SLC6A19: variants seen among roughly 807,000 people sequenced by gnomAD.
SLC6A19 encodes sodium-dependent neutral amino acid transporter B(0)AT1.
A neutral mutation model predicts 68.3 loss-of-function variants in SLC6A19; 67 were observed. The ratio of observed to expected loss-of-function variants is 0.98; its 90% CI spans 0.81 to 1.20. The LOEUF is 1.20. SLC6A19 is among the 50% of genes most tolerant of loss of function. SLC6A19 has a pLI of 0.00. For missense variants in SLC6A19, 813 were observed against 851.6 expected, an observed-to-expected ratio of 0.95 and a Z score of 0.56; for synonymous variants, 392 against 374.9, an observed-to-expected ratio of 1.05 and a Z score of -0.53.
intron 1 of SLC6A19, among the ~76,000 whole-genome samples, chr5:1,202,696 G>GC (rs199721240): frequency 6.7e-6 from 1 of 148,430 alleles, no homozygotes; most frequent in Non-Finnish European, 1.5e-5. Flanking sequence ...TCACGGGGGG[G>GC]CCGTGAAGGT....
At chr5:1,211,104 G>A (rs1222081458) in intron 3 of SLC6A19, among the ~76,000 whole-genome samples, 1 of 152,216 alleles carries the variant, frequency 6.6e-6, no homozygotes, top group East Asian at 1.9e-4. Context: ...CCTGGGGCCT[G>A]AACGGCTTGG....
intron 1 of SLC6A19, among the ~76,000 whole-genome samples, 157 bp downstream of exon 1, chr5:1,202,009 G>A (rs932823735): frequency 3.3e-5 from 5 of 152,308 alleles, no homozygotes; most frequent in South Asian, 2.1e-4. Context: ...GGGCCCCCAC[G>A]GGCCCCCGTG....
intron 10 of SLC6A19, among the ~76,000 whole-genome samples, chr5:1,220,237 C>T (rs1454463029): frequency 6.6e-6 from 1 of 151,994 alleles, no homozygotes; most frequent in Non-Finnish European, 1.5e-5. Flanking sequence ...CGATGAAACG[C>T]CGTCTCTACT....
chr5:1,212,716 G>A lies in SLC6A19; in HGVS notation c.663+232G>A, dbSNP rs73734053. Reference sequence around the variant, plus strand: ...AGACTTGGGGCTCCAGGAACTTGACGTTGGCCCACACGACACTTAGCGTTA... The same window carrying A: ...AGACTTGGGGCTCCAGGAACTTGACATTGGCCCACACGACACTTAGCGTTA... On this transcript the variant is annotated intron_variant, in intron 4 of 11. Transcript: ENST00000304460. The surrounding 1 kb of genome is among the most constrained non-coding windows in gnomAD (Gnocchi z 5.1). 0.029 allele frequency among the ~76,000 whole-genome samples: 4,470 copies of A among 152,076 alleles called. 196 individuals are homozygous for A. Among genetic ancestry groups the A allele is most frequent in the African/African-American group, 0.1 (4,226 of 41,438 alleles).
Position 1,213,458 on chromosome 5 carries a change from C to T in SLC6A19, c.664-5C>T, listed in dbSNP as rs374609774. Reference sequence around the variant, plus strand: ...CGCCCATCCCACATGTCCCGCCCTCCGCAGGCCGTGTACATCACCTCCACG... The same window carrying T: ...CGCCCATCCCACATGTCCCGCCCTCTGCAGGCCGTGTACATCACCTCCACG... On this transcript the variant is annotated splice_polypyrimidine_tract_variant and splice_region_variant and intron_variant, in intron 4 of 11. Coordinates refer to ENST00000304460, the MANE Select transcript of SLC6A19 (RefSeq NM_001003841.3). 69 of 1,598,470 alleles carry T rather than the reference C, an allele frequency of 4.3e-5. No homozygotes were observed. The highest frequency in any genetic ancestry group is 5.6e-5 in the Non-Finnish European group (66 of 1,175,276).
At chr5:1,219,737 A>C (rs1746317165) in intron 10 of SLC6A19, 73 bp downstream of exon 10, 8 of 1,591,366 alleles carry the variant, frequency 5.0e-6, no homozygotes, top group Non-Finnish European at 6.8e-6. Flanking sequence ...GTGAGGGAGG[A>C]CCCGGGCTGT....
Position 1,222,112 on chromosome 5 carries a change from C to T in SLC6A19, c.*208C>T, listed in dbSNP as rs903718210. On this transcript the variant is annotated 3_prime_UTR_variant, in exon 12 of 12. Coordinates refer to ENST00000304460, the MANE Select transcript of SLC6A19 (RefSeq NM_001003841.3). ...TGCATGGGCACTGTGTGAGTGTGCA[C>T]GTGTATGCACACATATACATGTGTG... The T allele has an allele frequency of 4.7e-5, 29 of 621,062 alleles. No homozygotes were observed. Among genetic ancestry groups the T allele is most frequent in the African/African-American group, 3.5e-4 (19 of 54,054 alleles). The allele number at this position is 621,062 out of a possible 1,614,324, so 38.5% of individuals were successfully genotyped here.
chr5:1,202,390 C>T (rs1282787901), intron 1 of SLC6A19, among the ~76,000 whole-genome samples: 3 of 152,164 alleles, frequency 2.0e-5, no homozygotes, highest in Admixed American at 6.5e-5. Flanking sequence ...GCCGCTGTGC[C>T]CACCCAACAC....
intron 1 of SLC6A19, among the ~76,000 whole-genome samples, chr5:1,207,227 C>T (rs1213695411): frequency 6.6e-6 from 1 of 152,232 alleles, no homozygotes; most frequent in Non-Finnish European, 1.5e-5. Flanking sequence ...GGGAGCCCTG[C>T]CAAGGCTGTG....
At position 1,212,505 on chromosome 5, in the gene SLC6A19, G is replaced by A; in HGVS notation, c.663+21G>A. 2 of 1,603,426 alleles carry A rather than the reference G, an allele frequency of 1.2e-6. No homozygotes were observed. Among genetic ancestry groups the A allele is most frequent in the South Asian group, 1.1e-5 (1 of 91,020 alleles). On this transcript the variant is annotated intron_variant, in intron 4 of 11. Transcript: ENST00000304460. The surrounding 1 kb of genome is among the most constrained non-coding windows in gnomAD (Gnocchi z 5.1). ...GGAAGGTACTGCATGGGCCCGGCCA[G>A]GCTGCAGGTGCTCCAGAGGGCGGGT...
Position 1,209,783 on chromosome 5 carries a change from C to T in SLC6A19, c.344-661C>T, listed in dbSNP as rs888904953. Among the ~76,000 whole-genome samples the T allele has an allele frequency of 2.6e-5, 4 of 151,774 alleles. No individual in the cohort carries two copies. The highest frequency in any genetic ancestry group is 9.7e-5 in the African/African-American group (4 of 41,276). Reference sequence around the variant, plus strand: ...CCTCTTCTCTCTCTTCCCCTATCTCCGTCTCTCCCCCTGTCTCTCTTCCCC... The same window carrying T: ...CCTCTTCTCTCTCTTCCCCTATCTCTGTCTCTCCCCCTGTCTCTCTTCCCC... On this transcript the variant is annotated intron_variant, in intron 2 of 11. Transcript: ENST00000304460. The surrounding 1 kb of genome is among the most constrained non-coding windows in gnomAD (Gnocchi z 5.5).
Position 1,203,996 on chromosome 5 carries a change from C to T in SLC6A19, c.202+2144C>T, listed in dbSNP as rs189502491. On this transcript the variant is annotated intron_variant, in intron 1 of 11. Coordinates refer to ENST00000304460, the MANE Select transcript of SLC6A19 (RefSeq NM_001003841.3). ...CCTCATGGGCACCAAAACAGTGGGG[C>T]AGGCTGCGTCCCTGGGAGGCCACAC... Among the ~76,000 whole-genome samples the T allele has an allele frequency of 4.6e-4, 70 of 152,320 alleles. No homozygotes were observed. In the East Asian group the frequency reaches 0.013, roughly 29 times the overall value.
Position 1,213,515 on chromosome 5 carries a change from T to A in SLC6A19, c.716T>A (p.Ile239Asn). 1 of 1,598,648 alleles carries A rather than the reference T, an allele frequency of 6.3e-7. No individual in the cohort carries two copies. The highest frequency in any genetic ancestry group is 8.5e-7 in the Non-Finnish European group (1 of 1,172,310). ...TATGTCGTCCTGACCATCTTCCTCA[T>A]CCGAGGCCTGACGCTGAAGGGCGCC... Reference protein sequence around the residue: ...LPYVVLTIFLIRGLTLKGATN... With the variant: ...LPYVVLTIFLNRGLTLKGATN... The change falls in exon 5 of 12, where the codon ATC (isoleucine) becomes AAC (asparagine). Residue 239 changes from isoleucine to asparagine, a missense_variant. Ile to Asn is a moderately radical substitution (Grantham distance 149, BLOSUM62 -3). Transcript: ENST00000304460.
At position 1,203,388 on chromosome 5, in the gene SLC6A19, C is replaced by T. The variant is rs532579815; in HGVS notation, c.202+1536C>T. ...GCGGGTGCTGGCGCTGCACCCTGGG[C>T]CATGCTGGGGTGGACAGGTGCGGGC... On this transcript the variant is annotated intron_variant, in intron 1 of 11. Coordinates refer to ENST00000304460, the MANE Select transcript of SLC6A19 (RefSeq NM_001003841.3). Among the ~76,000 whole-genome samples, 4 of 152,264 alleles carry T rather than the reference C, an allele frequency of 2.6e-5. No homozygotes were observed. In the South Asian group the frequency reaches 8.3e-4, roughly 32 times the overall value.
At chr5:1,218,865 A>C in intron 8 of SLC6A19, 38 bp from the exon 9 acceptor site, 1 of 1,600,480 alleles carries the variant, frequency 6.2e-7, no homozygotes, top group Non-Finnish European at 8.5e-7. Context: ...GAGCCCACGG[A>C]GGGCAGAGGC....
At chr5:1,219,363 C>G (rs886089053) in intron 9 of SLC6A19, 142 bp from the exon 10 acceptor site, 30 of 1,297,710 alleles carry the variant, frequency 2.3e-5, no homozygotes, top group Non-Finnish European at 3.0e-5. Context: ...CAGCTCTGTC[C>G]CCGGCAGTGT....
rs774369073 is a variant in SLC6A19 at position 1,219,506 on chromosome 5, C to T, written c.1380C>T (p.Gly460=). ...GCAGCTCTGTCCCCCGGCCTGCAGGCCTCATCTGCCTGGGGACATTCCTCA... is the reference window on the plus strand; with the variant it reads ...GCAGCTCTGTCCCCCGGCCTGCAGGTCTCATCTGCCTGGGGACATTCCTCA... ...PPKWPKEVLT[G]LICLGTFLIG... is the part of the protein sequence containing the mutation. Residue 460 remains glycine (G), a splice_region_variant and synonymous_variant, in exon 10 of 12, where the codon GGC becomes GGT. Coordinates refer to ENST00000304460, the MANE Select transcript of SLC6A19 (RefSeq NM_001003841.3). 4 of 1,611,176 alleles carry T rather than the reference C, an allele frequency of 2.5e-6. No individual in the cohort carries two copies. Among genetic ancestry groups the T allele is most frequent in the Admixed American group, 1.7e-5 (1 of 60,026 alleles).
At position 1,219,075 on chromosome 5, in the gene SLC6A19, T is replaced by A. The variant is rs771704206; in HGVS notation, c.1346T>A (p.Ile449Asn). Reference sequence around the variant, plus strand: ...GTGCCCCTGCAGGACCTCAGAGTCATCCCCCCGAAGTGGCCCAAGGAGGTG... The same window carrying A: ...GTGCCCCTGCAGGACCTCAGAGTCAACCCCCCGAAGTGGCCCAAGGAGGTG... ...VVVPLQDLRV[I>N]PPKWPKEVLT... is the part of the protein sequence containing the mutation. Residue 449 changes from isoleucine (I) to asparagine (N), a missense_variant, in exon 9 of 12, where the codon ATC becomes AAC. Ile to Asn is a moderately radical substitution (Grantham distance 149). Transcript: ENST00000304460. 1.8e-5 allele frequency: 29 copies of A among 1,613,588 alleles called. No homozygotes were observed. The highest frequency in any genetic ancestry group is 4.0e-5 in the African/African-American group (3 of 74,880).
At position 1,214,620 on chromosome 5, in the gene SLC6A19, T is replaced by C. The variant is rs1375832216; in HGVS notation, c.887+555T>C. Among the ~76,000 whole-genome samples the C allele has an allele frequency of 6.6e-6, 1 of 152,174 alleles. No individual in the cohort carries two copies. The highest frequency in any genetic ancestry group is 1.5e-5 in the Non-Finnish European group (1 of 68,034). Reference sequence around the variant, plus strand: ...CCTACTATGTGCCCGACCTGGTGCATCAGGACCTGCCCTCAGTGACCTGTG... The same window carrying C: ...CCTACTATGTGCCCGACCTGGTGCACCAGGACCTGCCCTCAGTGACCTGTG... On this transcript the variant is annotated intron_variant, in intron 6 of 11. Coordinates refer to ENST00000304460, the MANE Select transcript of SLC6A19 (RefSeq NM_001003841.3). This position sits in a 1 kb window ranked among gnomAD's most constrained non-coding sequence, Gnocchi z 7.4.
Sources: gnomAD v4.1 joint callset for allele counts (sites outside exome capture counted in the v4.1 genomes callset) on GRCh38, gnomAD v4.1.1 for gene constraint, Gnocchi (gnomAD v3.1) non-coding constraint, MANE v1.5 for transcripts, NCBI Gene and HGNC (gene_info 2026-07-23, HGNC 2026-07-21) for gene names.